CDHR1: variants seen among roughly 807,000 people sequenced by gnomAD.
CDHR1 encodes cadherin related family member 1, also known as cadherin-related family member 1.
Under a neutral mutation model 72.1 loss-of-function variants are expected in CDHR1, and 61 were observed. The ratio of observed to expected loss-of-function variants is 0.85; its 90% confidence interval spans 0.69 to 1.05. The LOEUF (loss-of-function observed/expected upper bound fraction) is 1.05. Ranked by LOEUF, CDHR1 falls within the 50% of genes least tolerant of loss-of-function variation. CDHR1 has a pLI of 0.00. For missense variants in CDHR1, 1,186 were observed against 1,115.7 expected, an observed-to-expected ratio of 1.06 and a Z score of -0.90; for synonymous variants, 470 against 448.1, an observed-to-expected ratio of 1.05 and a Z score of -0.62.
intron 13 of CDHR1, 45 bp downstream of exon 13, chr10:84,211,210 T>G: frequency 6.2e-7 from 1 of 1,601,660 alleles, no homozygotes; most frequent in Non-Finnish European, 8.6e-7. Flanking sequence ...TAGGAGGCCT[T>G]GTGAAGCCAG....
At chr10:84,213,422 G>A (rs756534174) in intron 16 of CDHR1, 74 bp downstream of exon 16, 667 of 1,589,658 alleles carry the variant, frequency 4.2e-4, no homozygotes, top group Admixed American at 6.2e-4. Context: ...TGGGCAGAGC[G>A]AGAAGGACCA....
chr10:84,217,767 A>C lies in CDHR1; in HGVS notation c.*3146A>C. 1.0e-6 allele frequency: 1 copy of C among 985,388 alleles called. No individual in the cohort carries two copies. Among genetic ancestry groups the C allele is most frequent in the Non-Finnish European group, 1.2e-6 (1 of 829,946 alleles). The allele number at this position is 985,388 out of a possible 1,614,324, so 61.0% of individuals were successfully genotyped here. Reference sequence around the variant, plus strand: ...AGCTTTTACTTCATGCTAGAAAAAGAGAAGAGAGTGGATCCAGAGGGGAGT... The same window carrying C: ...AGCTTTTACTTCATGCTAGAAAAAGCGAAGAGAGTGGATCCAGAGGGGAGT... On this transcript the variant is annotated 3_prime_UTR_variant, in exon 17 of 17. Coordinates refer to ENST00000623527, the MANE Select transcript of CDHR1 (RefSeq NM_033100.4).
chr10:84,209,042 T>A (rs1475421898), intron 12 of CDHR1, among the ~76,000 whole-genome samples, 161 bp downstream of exon 12: 1 of 152,180 alleles, frequency 6.6e-6, no homozygotes. Context: ...TGCTCACAGA[T>A]CCAGCCTCAC....
At chr10:84,196,412 T>C (rs1341494678) in intron 2 of CDHR1, 93 bp from the exon 3 acceptor site, 1 of 1,408,922 alleles carries the variant, frequency 7.1e-7, no homozygotes, top group Non-Finnish European at 1.0e-6. Context: ...ATAGTCACTT[T>C]ATAAACAGCT....
intron 1 of CDHR1, 112 bp downstream of exon 1, chr10:84,194,927 G>C (rs942400670): frequency 9.6e-7 from 1 of 1,037,808 alleles, no homozygotes; most frequent in Non-Finnish European, 1.4e-6. Context: ...AGTGGGACTC[G>C]GGCTGGTGGA....
chr10:84,195,660 C>T, intron 2 of CDHR1, 71 bp downstream of exon 2: 1 of 1,334,646 alleles, frequency 7.5e-7, no homozygotes. Flanking sequence ...ACACAAAGTG[C>T]CCCAGGCACC....
chr10:84,208,297 T>C lies in CDHR1; in HGVS notation c.1087T>C (p.Phe363Leu). 1 of 1,613,800 alleles carries C rather than the reference T, an allele frequency of 6.2e-7. No individual in the cohort carries two copies. Among genetic ancestry groups the C allele is most frequent in the South Asian group, 1.1e-5 (1 of 91,044 alleles). The change falls in exon 11 of 17, where the codon TTT (phenylalanine) becomes CTT (leucine). Residue 363 changes from phenylalanine to leucine, a missense_variant. Transcript: ENST00000623527. ...TGGAGAGAGCGGACCCCAAAACAGG[T>C]TTGAGCTGTCCATGAATGAGCACCC... ...FYGESGPQNR[F>L]ELSMNEHPPQ... is the part of the protein sequence containing the mutation.
Position 84,204,683 on chromosome 10 carries a change from T to C in CDHR1, c.862+78T>C, listed in dbSNP as rs1026219407. 8.7e-6 allele frequency: 8 copies of C among 924,578 alleles called. No homozygotes were observed. The African/African-American group carries it at 9.7e-5, about 11-fold the overall frequency. 57.3% of individuals were successfully genotyped at this position (924,578 alleles called of 1,614,324 possible). The stretch of plus-strand genomic sequence containing the variant: ...GCAAGGTTCCTCAACCTCTCTAGAT[T>C]CCAGCTCCCTCACCTGTAGGACCAG... On this transcript the variant is annotated intron_variant, in intron 9 of 16. Coordinates refer to ENST00000623527, the MANE Select transcript of CDHR1 (RefSeq NM_033100.4).
intron 9 of CDHR1, 81 bp from the exon 10 acceptor site, chr10:84,205,746 T>C: frequency 1.1e-6 from 1 of 902,888 alleles, no homozygotes; most frequent in Non-Finnish European, 1.8e-6. Flanking sequence ...CCCTAGGCAA[T>C]GCAGGACGAT....
In CDHR1 at chr10:84,201,935, CA is replaced by C. The variant is rs769938919; in HGVS notation, c.639+16del. The C allele has an allele frequency of 4.4e-6, 7 of 1,579,608 alleles. No individual in the cohort carries two copies. The African/African-American group carries it at 9.4e-5, about 21-fold the overall frequency. On this transcript the variant is annotated intron_variant, in intron 7 of 16. Coordinates refer to ENST00000623527, the MANE Select transcript of CDHR1 (RefSeq NM_033100.4). ...TGGTCGCCAAGGTAACACAGCAGGA[CA>C]GGGGAGCATCCAGTGTCTCCTCAGC...
chr10:84,217,890 C>T lies in CDHR1; in HGVS notation c.*3269C>T. On this transcript the variant is annotated 3_prime_UTR_variant, in exon 17 of 17. Coordinates refer to ENST00000623527, the MANE Select transcript of CDHR1 (RefSeq NM_033100.4). Reference sequence around the variant, plus strand: ...AGGGGAGTTAGGAACAATGAGAGGTCTCTAAGAACTTGTGGCACTCTGTCC... The same window carrying T: ...AGGGGAGTTAGGAACAATGAGAGGTTTCTAAGAACTTGTGGCACTCTGTCC... 1.0e-6 allele frequency: 1 copy of T among 985,464 alleles called. No individual in the cohort carries two copies. The highest frequency in any genetic ancestry group is 1.2e-6 in the Non-Finnish European group (1 of 829,976). The allele number at this position is 985,464 out of a possible 1,614,324, so 61.0% of individuals were successfully genotyped here.
downstream of CDHR1, chr10:84,219,298 T>A: frequency 6.5e-7 from 1 of 1,549,506 alleles, no homozygotes; most frequent in Non-Finnish European, 8.7e-7. Flanking sequence ...TTCTCAGAAA[T>A]CCTCCCTAGA....
chr10:84,197,695 G>T (rs528943907), intron 3 of CDHR1, 91 bp from the exon 4 acceptor site: 5 of 1,176,490 alleles, frequency 4.2e-6, no homozygotes, highest in Admixed American at 3.4e-5. Context: ...TCCTCTGATG[G>T]GTGCGTGGGG....
In CDHR1 at chr10:84,214,453, T is replaced by G; in HGVS notation, c.2412T>G (p.Thr804=). Residue 804 remains threonine, a synonymous_variant, in exon 17 of 17, where the codon ACT becomes ACG. Coordinates refer to ENST00000623527, the MANE Select transcript of CDHR1 (RefSeq NM_033100.4). ...CACCACCCAGCGTGGCGCCCAGCAC[T>G]GGCGCAGCCCAGTGGACCGTGCCTA... is the stretch of plus-strand genomic sequence containing the variant. ...LPPPPSVAPS[T]GAAQWTVPTV... 6.2e-7 allele frequency: 1 copy of G among 1,612,116 alleles called. No individual in the cohort carries two copies. The highest frequency in any genetic ancestry group is 8.5e-7 in the Non-Finnish European group (1 of 1,179,886).
chr10:84,196,139 C>T (rs1051209006), intron 2 of CDHR1, among the ~76,000 whole-genome samples: 24 of 152,304 alleles, frequency 1.6e-4, no homozygotes, highest in African/African-American at 5.5e-4. Context: ...CTCCCATTTC[C>T]CCTTCCCTGT....
intron 6 of CDHR1, 62 bp from the exon 7 acceptor site, chr10:84,201,745 C>A (rs879751360): frequency 7.7e-5 from 104 of 1,351,172 alleles, no homozygotes; most frequent in African/African-American, 1.9e-4. Flanking sequence ...GAAAGCAGAG[C>A]GGGCATTCCT....
At chr10:84,198,936 G>C (rs1398583297) in intron 4 of CDHR1, 96 bp from the exon 5 acceptor site, 2 of 884,588 alleles carry the variant, frequency 2.3e-6, no homozygotes, top group Non-Finnish European at 3.7e-6. Context: ...GGAGGGATGG[G>C]CAGAGACGTG....
At chr10:84,212,747 C>T in intron 15 of CDHR1, 2 of 522,766 alleles carry the variant, frequency 3.8e-6, no homozygotes, top group Middle Eastern at 5.3e-4. Flanking sequence ...TGAAACCCAG[C>T]AGACTTGACT....
chr10:84,213,334 A>T lies in CDHR1; in HGVS notation c.2026A>T (p.Ile676Phe), dbSNP rs771569407. The change falls in exon 16 of 17, where the codon ATC becomes TTC. Residue 676 changes from isoleucine to phenylalanine, a missense_variant. By Grantham distance (21) the Ile-to-Phe change is conservative (BLOSUM62 0). Transcript: ENST00000623527. ...CACCACAGCCTTACTCAAGATTGAC[A>T]TCACAGATGCTGAGGTGAGTACAAA... ...FSTTALLKIDITDAETLSRSP... is the reference protein window; with the variant it reads ...FSTTALLKIDFTDAETLSRSP... 1 of 1,614,204 alleles carries T rather than the reference A, an allele frequency of 6.2e-7. No homozygotes were observed. The highest frequency in any genetic ancestry group is 8.5e-7 in the Non-Finnish European group (1 of 1,180,042).
Sources: allele counts gnomAD v4.1 joint callset (sites outside exome capture counted in the v4.1 genomes callset), GRCh38; gene constraint gnomAD v4.1.1; transcripts MANE v1.5; gene names NCBI Gene and HGNC (gene_info 2026-07-23, HGNC 2026-07-21).